CA4: variants seen among roughly 807,000 people sequenced by gnomAD.
The protein encoded by CA4 is CA-IV.
CA4 carries 24 observed loss-of-function variants against 34.5 expected under a neutral mutation model. That is an observed-to-expected ratio of 0.70 (90% CI 0.50 to 0.98). The LOEUF (loss-of-function observed/expected upper bound fraction) is 0.98, where lower values mean the gene tolerates loss of function less well. CA4 is among the 50% of genes least tolerant of loss of function. The probability of loss-of-function intolerance (pLI) is 0.00; values close to 1 mark genes in which losing one functional copy is unlikely to be tolerated. For synonymous variants in CA4, 178 were observed against 170.6 expected (o/e 1.04, Z -0.34); for missense variants, 394 against 396.7 (o/e 0.99, Z 0.06).
At chr17:60,175,819 ATTT>A (rs759618128), downstream of CA4, among the ~76,000 whole-genome samples, 4 of 138,378 alleles carry the variant, frequency 2.9e-5, no homozygotes, top group African/African-American at 5.4e-5. Flanking sequence ...CATTTTATAC[ATTT>A]TTTTTTTTTT....
Position 60,150,103 on chromosome 17 carries a change from G to A in CA4, c.58+11G>A. The A allele has an allele frequency of 1.3e-6, 2 of 1,593,794 alleles. No homozygotes were observed. The highest frequency in any genetic ancestry group is 1.7e-6 in the Non-Finnish European group (2 of 1,177,020). Reference sequence around the variant, plus strand: ...CATCGGCCAGTGCAGGTGAGCTCCCGGGCTCCGGCCCCAGGTGCCCCTCGG... The same window carrying A: ...CATCGGCCAGTGCAGGTGAGCTCCCAGGCTCCGGCCCCAGGTGCCCCTCGG... On this transcript the variant is annotated intron_variant, in intron 1 of 7. Coordinates refer to ENST00000300900, the MANE Select transcript of CA4 (RefSeq NM_000717.5).
downstream of CA4, among the ~76,000 whole-genome samples, chr17:60,174,804 T>C (rs984186820): frequency 1.3e-5 from 2 of 152,208 alleles, no homozygotes; most frequent in Non-Finnish European, 2.9e-5. Context: ...AATTCTGTAC[T>C]CAGCCTCCAA....
At chr17:60,153,127 C>T (rs1263613330) in intron 1 of CA4, among the ~76,000 whole-genome samples, 1 of 152,094 alleles carries the variant, frequency 6.6e-6, no homozygotes, top group Non-Finnish European at 1.5e-5. Context: ...CATTTGAGGT[C>T]AGGAGTTCGA....
downstream of CA4, among the ~76,000 whole-genome samples, chr17:60,164,232 TTC>T (rs983676155): frequency 2.0e-5 from 3 of 146,446 alleles, no homozygotes; most frequent in African/African-American, 5.0e-5. Context: ...CTCTTTCTCT[TTC>T]TCTTTCTTTC....
downstream of CA4, among the ~76,000 whole-genome samples, chr17:60,162,117 C>T (rs2083797557): frequency 6.6e-6 from 1 of 152,094 alleles, no homozygotes; most frequent in Admixed American, 6.5e-5. Flanking sequence ...GCCTGGGGCT[C>T]TGGCCACCTC....
downstream of CA4, among the ~76,000 whole-genome samples, chr17:60,161,722 CCCTT>C (rs1231309759): frequency 6.6e-6 from 1 of 152,036 alleles, no homozygotes; most frequent in Non-Finnish European, 1.5e-5. Context: ...AGTCCCCCCT[CCCTT>C]CCCTGGTGAC....
At chr17:60,150,602 G>A (rs1007428550) in intron 1 of CA4, among the ~76,000 whole-genome samples, 11 of 144,182 alleles carry the variant, frequency 7.6e-5, no homozygotes, top group Middle Eastern at 3.7e-3. Flanking sequence ...GAACCCAGGA[G>A]GTGGAGGTTG....
rs760476437 is a variant in CA4 at position 60,156,548 on chromosome 17, C to T, written c.113-12C>T. 4.3e-6 allele frequency: 7 copies of T among 1,614,152 alleles called. No homozygotes were observed. The highest frequency in any genetic ancestry group is 5.9e-6 in the Non-Finnish European group (7 of 1,179,970). ...GCACCCGACTCTCAGCCCACCTTCT[C>T]TCCCTGCTCAGTGCCAGTCAAGTGG... is the stretch of plus-strand genomic sequence containing the variant. On this transcript the variant is annotated splice_polypyrimidine_tract_variant and intron_variant, in intron 2 of 7. Coordinates refer to ENST00000300900, the MANE Select transcript of CA4 (RefSeq NM_000717.5).
intron 5 of CA4, among the ~76,000 whole-genome samples, chr17:60,168,019 A>G (rs922414168): frequency 2.0e-5 from 3 of 151,946 alleles, no homozygotes; most frequent in African/African-American, 7.3e-5. Flanking sequence ...TTAAGGGAAT[A>G]GGGTTGGGTA....
At chr17:60,166,003 G>A (rs1366827292) in intron 5 of CA4, among the ~76,000 whole-genome samples, 1 of 152,170 alleles carries the variant, frequency 6.6e-6, no homozygotes, top group East Asian at 1.9e-4. Context: ...AGCCAAGAGA[G>A]AAGGGTGGGC....
At chr17:60,162,754 C>A (rs1438555713), downstream of CA4, among the ~76,000 whole-genome samples, 4 of 152,140 alleles carry the variant, frequency 2.6e-5, no homozygotes, top group East Asian at 7.7e-4. Flanking sequence ...GTGCTGCAAT[C>A]CCATTGGGGT....
At chr17:60,168,217 C>T (rs1430537395) in intron 5 of CA4, among the ~76,000 whole-genome samples, 1 of 38,018 alleles carries the variant, frequency 2.6e-5, no homozygotes, top group East Asian at 5.6e-4. Context: ...TTTGGGGGGG[C>T]GTGGGGAAGG....
chr17:60,152,846 A>G (rs2083615962), intron 1 of CA4, among the ~76,000 whole-genome samples: 1 of 152,048 alleles, frequency 6.6e-6, no homozygotes, highest in African/African-American at 2.4e-5. Context: ...AACCAGAGTG[A>G]CTCCATTTTG....
intron 1 of CA4, among the ~76,000 whole-genome samples, chr17:60,153,054 T>C (rs927170816): frequency 6.6e-6 from 1 of 152,176 alleles, no homozygotes; most frequent in African/African-American, 2.4e-5. Flanking sequence ...AATAATAATG[T>C]TGGCTGGGCA....
intron 2 of CA4, among the ~76,000 whole-genome samples, chr17:60,155,734 G>A (rs2083671710): frequency 1.3e-5 from 2 of 152,102 alleles, no homozygotes; most frequent in African/African-American, 2.4e-5. Context: ...GGACCAGGGA[G>A]CATAGAGTGA....
chr17:60,175,710 A>T (rs2083958527), downstream of CA4, among the ~76,000 whole-genome samples: 1 of 149,224 alleles, frequency 6.7e-6, no homozygotes, highest in Admixed American at 6.7e-5. Context: ...ACAGACTGGC[A>T]CTTAAAAGAG....
the CA4 span, among the ~76,000 whole-genome samples, chr17:60,178,526 C>T: frequency 1.3e-5 from 2 of 152,258 alleles, no homozygotes; most frequent in African/African-American, 4.8e-5. Flanking sequence ...CTGGATTTCC[C>T]AGGATGCTGT....
At position 60,159,511 on chromosome 17, in the gene CA4, A is replaced by G; in HGVS notation, c.*87A>G. ...CCTTAGCCTTCCCAGGTGGGACTTT[A>G]GGCATGATTAAAATATGGACATATT... On this transcript the variant is annotated 3_prime_UTR_variant, in exon 8 of 8. Transcript: ENST00000300900. 1 of 1,411,390 alleles carries G rather than the reference A, an allele frequency of 7.1e-7. No individual in the cohort carries two copies. Among genetic ancestry groups the G allele is most frequent in the East Asian group, 2.4e-5 (1 of 41,862 alleles). The allele number at this position is 1,411,390 out of a possible 1,614,324, so 87.4% of individuals were successfully genotyped here.
At chr17:60,161,586 C>G (rs2083789232), downstream of CA4, among the ~76,000 whole-genome samples, 1 of 152,014 alleles carries the variant, frequency 6.6e-6, no homozygotes, top group Non-Finnish European at 1.5e-5. Flanking sequence ...AAGGTGGTCT[C>G]TAAGCCTTCT....
Sources: allele counts gnomAD v4.1 joint callset (sites outside exome capture counted in the v4.1 genomes callset), GRCh38; gene constraint gnomAD v4.1.1; transcripts MANE v1.5; gene names NCBI Gene and HGNC (gene_info 2026-07-23, HGNC 2026-07-21).